Variants in RASA2 observed in about 807,000 individuals in gnomAD.
The protein encoded by RASA2 is ras GTPase-activating protein 2.
RASA2 carries 155 observed loss-of-function variants against 118.2 expected under a neutral mutation model. That is an observed-to-expected ratio of 1.31 (90% confidence interval 1.15 to 1.50). The LOEUF is 1.50. Ranked by LOEUF, RASA2 falls within the 40% of genes most tolerant of loss-of-function variation. The pLI is 0.00. For missense variants in RASA2, 1,016 were observed against 1,009.6 expected (o/e 1.01, Z -0.09); for synonymous variants, 353 against 349.1 (o/e 1.01, Z -0.12).
intron 7 of RASA2, among the ~76,000 whole-genome samples, chr3:141,556,795 A>C (rs2082656431): frequency 6.6e-6 from 1 of 152,268 alleles, no homozygotes; most frequent in East Asian, 1.9e-4. Flanking sequence ...GAATAACGGT[A>C]CCTCTAGTCA....
chr3:141,564,712 A>G (rs1016122381), intron 9 of RASA2, among the ~76,000 whole-genome samples: 3 of 152,198 alleles, frequency 2.0e-5, no homozygotes, highest in African/African-American at 4.8e-5. Context: ...AGTGAAAGAT[A>G]TAGATGAAAA....
chr3:141,610,870 C>G (rs2083640663), intron 23 of RASA2, among the ~76,000 whole-genome samples: 1 of 151,224 alleles, frequency 6.6e-6, no homozygotes, highest in Non-Finnish European at 1.5e-5. Flanking sequence ...TTTGTTTTTA[C>G]TGATCCTCCT....
intron 19 of RASA2, among the ~76,000 whole-genome samples, chr3:141,605,938 C>CT (rs909372257): frequency 6.6e-6 from 1 of 152,156 alleles, no homozygotes; most frequent in African/African-American, 2.4e-5. Flanking sequence ...GAGTTAGCAG[C>CT]TACCTGTGAC....
At chr3:141,554,999 C>A (rs892848651) in intron 6 of RASA2, among the ~76,000 whole-genome samples, 2 of 152,084 alleles carry the variant, frequency 1.3e-5, no homozygotes, top group African/African-American at 4.8e-5. Context: ...AGGTGGCTCA[C>A]GCCTGTAATC....
chr3:141,594,036 A>G (rs1048277149), intron 19 of RASA2, among the ~76,000 whole-genome samples: 1 of 152,236 alleles, frequency 6.6e-6, no homozygotes, highest in African/African-American at 2.4e-5. Context: ...TCTATTATAA[A>G]TATTTCAAGG....
At chr3:141,534,593 T>G (rs1577696268) in intron 4 of RASA2, among the ~76,000 whole-genome samples, 2 of 66,578 alleles carry the variant, frequency 3.0e-5, no homozygotes, top group Non-Finnish European at 6.8e-5. Context: ...TTTATAGGTG[T>G]TTTTTTTTTT....
At chr3:141,573,511 C>T (rs1238540173) in intron 13 of RASA2, among the ~76,000 whole-genome samples, 1 of 152,190 alleles carries the variant, frequency 6.6e-6, no homozygotes, top group Non-Finnish European at 1.5e-5. Context: ...TTCCTTTGGG[C>T]TCAAACTGAT....
At chr3:141,498,180 A>G (rs1002383782) in intron 1 of RASA2, among the ~76,000 whole-genome samples, 1 of 152,204 alleles carries the variant, frequency 6.6e-6, no homozygotes, top group African/African-American at 2.4e-5. Context: ...CATGTAATCC[A>G]ATTTCATGAA....
chr3:141,555,330 A>G (rs1435172089), intron 6 of RASA2, among the ~76,000 whole-genome samples: 1 of 152,154 alleles, frequency 6.6e-6, no homozygotes, highest in Non-Finnish European at 1.5e-5. Context: ...AGATGTTAAC[A>G]CTGGGAGAGG....
At chr3:141,512,347 A>G in intron 2 of RASA2, 67 bp downstream of exon 2, 2 of 1,120,946 alleles carry the variant, frequency 1.8e-6, no homozygotes, top group South Asian at 1.4e-5. Context: ...TGCATTTTCC[A>G]GATTATAATA....
intron 12 of RASA2, 99 bp from the exon 13 acceptor site, chr3:141,573,048 A>G (rs1440813257): frequency 5.5e-6 from 6 of 1,087,874 alleles, no homozygotes; most frequent in Non-Finnish European, 7.6e-6. Flanking sequence ...GCTACAGTTT[A>G]AATTTCTATA....
At chr3:141,549,484 CGT>C (rs56036122) in intron 5 of RASA2, among the ~76,000 whole-genome samples, 8,988 of 144,970 alleles carry the variant, frequency 0.062, 302 homozygotes, top group Non-Finnish European at 0.088. Flanking sequence ...TGTGTGTGTG[CGT>C]GTGTGTGTGT....
At chr3:141,575,216 A>G (rs2082991945) in intron 14 of RASA2, among the ~76,000 whole-genome samples, 1 of 152,158 alleles carries the variant, frequency 6.6e-6, no homozygotes, top group African/African-American at 2.4e-5. Context: ...ATGTTCTTTT[A>G]AGCATGTGCT....
chr3:141,568,674 G>T (rs1191923449), intron 9 of RASA2, among the ~76,000 whole-genome samples: 1 of 151,934 alleles, frequency 6.6e-6, no homozygotes, highest in African/African-American at 2.4e-5. Flanking sequence ...ATAGTAAGTG[G>T]CACTCCACAC....
chr3:141,602,483 G>C (rs1415765721), intron 19 of RASA2, among the ~76,000 whole-genome samples: 2 of 152,202 alleles, frequency 1.3e-5, no homozygotes, highest in Non-Finnish European at 2.9e-5. Context: ...TGCTGCTCCT[G>C]CTGGGTGGCC....
At chr3:141,570,183 A>G (rs999831698) in intron 9 of RASA2, among the ~76,000 whole-genome samples, 1 of 151,618 alleles carries the variant, frequency 6.6e-6, no homozygotes, top group African/African-American at 2.4e-5. Context: ...ACTTTAAAAC[A>G]AGGTTACTTA....
chr3:141,504,200 C>G (rs2081828368), intron 1 of RASA2, among the ~76,000 whole-genome samples: 1 of 152,194 alleles, frequency 6.6e-6, no homozygotes, highest in South Asian at 2.1e-4. Flanking sequence ...CATTAGAGAG[C>G]CCTGAGGCTC....
intron 19 of RASA2, among the ~76,000 whole-genome samples, chr3:141,604,347 A>G (rs1468632150): frequency 3.3e-5 from 5 of 152,012 alleles, no homozygotes; most frequent in Non-Finnish European, 5.9e-5. Flanking sequence ...TTCTGTCTCT[A>G]TCTAGTGAGG....
intron 1 of RASA2, among the ~76,000 whole-genome samples, chr3:141,490,196 A>G (rs985351982): frequency 6.6e-6 from 1 of 151,984 alleles, no homozygotes; most frequent in Non-Finnish European, 1.5e-5. Context: ...GTTGTTTGAT[A>G]TCCTAAGGTT....
Sources: gnomAD v4.1 joint callset for allele counts (sites outside exome capture counted in the v4.1 genomes callset) on GRCh38, gnomAD v4.1.1 for gene constraint, MANE v1.5 for transcripts, NCBI Gene and HGNC (gene_info 2026-07-23, HGNC 2026-07-21) for gene names.